The following IPMK variants were observed in gnomAD, a reference collection of about 807,000 sequenced individuals.
IPMK encodes inositol 1,3,4,6-tetrakisphosphate 5-kinase.
A neutral mutation model predicts 45.8 loss-of-function variants in IPMK; 17 were observed. The ratio of observed to expected loss-of-function variants is 0.37; its 90% CI spans 0.25 to 0.56. The LOEUF (loss-of-function observed/expected upper bound fraction) is 0.56. Among genes scored for constraint, IPMK ranks in the 20% least tolerant of loss-of-function variants. The probability of loss-of-function intolerance (pLI) is 0.79; values close to 1 mark genes in which losing one functional copy is unlikely to be tolerated. For missense variants in IPMK, 399 were observed against 498.0 expected (o/e 0.80, Z 1.89); for synonymous variants, 180 against 184.3 (o/e 0.98, Z 0.19).
At chr10:58,265,934 G>T (rs993524363) in intron 1 of IPMK, among the ~76,000 whole-genome samples, 1 of 152,078 alleles carries the variant, frequency 6.6e-6, no homozygotes, top group African/African-American at 2.4e-5. Flanking sequence ...GACCTTTAGG[G>T]AAACATTTAC....
At chr10:58,205,365 T>G (rs975393875) in intron 4 of IPMK, among the ~76,000 whole-genome samples, 12 of 152,172 alleles carry the variant, frequency 7.9e-5, no homozygotes, top group Admixed American at 2.0e-4. Flanking sequence ...AATAGACATT[T>G]TTCCAAAGAA....
intron 4 of IPMK, among the ~76,000 whole-genome samples, chr10:58,201,135 A>G (rs1837990910): frequency 6.6e-6 from 1 of 152,240 alleles, no homozygotes; most frequent in Admixed American, 6.5e-5. Context: ...CATGTTTAAA[A>G]TATCTCTGGA....
chr10:58,229,176 G>C (rs1349882745), intron 2 of IPMK, among the ~76,000 whole-genome samples: 2 of 152,066 alleles, frequency 1.3e-5, no homozygotes, highest in African/African-American at 4.8e-5. Flanking sequence ...ACAATATTAG[G>C]AAAGAAAAGG....
chr10:58,236,099 C>CTTT, intron 2 of IPMK, among the ~76,000 whole-genome samples: 1 of 146,542 alleles, frequency 6.8e-6, no homozygotes, highest in African/African-American at 2.5e-5. Flanking sequence ...TGGGTTAATT[C>CTTT]TTTTTTTTTT....
intron 1 of IPMK, among the ~76,000 whole-genome samples, chr10:58,255,100 A>G (rs1838944643): frequency 6.6e-6 from 1 of 152,250 alleles, no homozygotes; most frequent in African/African-American, 2.4e-5. Flanking sequence ...GACTCAGGCT[A>G]TCCCACAGAC....
chr10:58,253,643 C>A (rs2790214), intron 1 of IPMK, among the ~76,000 whole-genome samples: 1 of 148,830 alleles, frequency 6.7e-6, no homozygotes, highest in Non-Finnish European at 1.5e-5. Context: ...GAGGCTGAGG[C>A]GGGAGAATGC....
At chr10:58,251,125 G>C (rs1478241012) in intron 1 of IPMK, among the ~76,000 whole-genome samples, 3 of 152,162 alleles carry the variant, frequency 2.0e-5, no homozygotes, top group African/African-American at 7.2e-5. Flanking sequence ...TCTGACATCA[G>C]TGTTTATTGC....
intron 1 of IPMK, among the ~76,000 whole-genome samples, chr10:58,247,712 GAGTT>G (rs1838823138): frequency 6.6e-6 from 1 of 152,132 alleles, no homozygotes; most frequent in Non-Finnish European, 1.5e-5. Flanking sequence ...GCTAGATGGC[GAGTT>G]AGTGAGTGCA....
rs190353662 is a variant in IPMK at position 58,206,286 on chromosome 10, C to G, written c.547-6965G>C. The stretch of plus-strand genomic sequence containing the variant: ...AGATAGAAAATAGATTAGTGGTTCC[C>G]TAGGGACAGGGAGTTTGGAAGGAAA... On this transcript the variant is annotated intron_variant, in intron 4 of 5. Coordinates refer to ENST00000373935, the MANE Select transcript of IPMK (RefSeq NM_152230.5). 2.8e-4 allele frequency among the ~76,000 whole-genome samples: 43 copies of G among 152,194 alleles called. No homozygotes were observed. In the East Asian group the frequency reaches 5.8e-3, roughly 21 times the overall value.
rs118038341 is a variant in IPMK at position 58,207,667 on chromosome 10, T to C, written c.547-8346A>G. Among the ~76,000 whole-genome samples the C allele has an allele frequency of 4.1e-4, 62 of 152,290 alleles. No homozygotes were observed. The East Asian group carries it at 0.01, about 25-fold the overall frequency. On this transcript the variant is annotated intron_variant, in intron 4 of 5. Coordinates refer to ENST00000373935, the MANE Select transcript of IPMK (RefSeq NM_152230.5). ...TGCCCCACTATTATTGTGTGTTATC[T>C]CATTTCTTAGGTCTAGTAGTAATTA...
At chr10:58,224,293 C>T (rs1470876672) in intron 3 of IPMK, among the ~76,000 whole-genome samples, 1 of 152,182 alleles carries the variant, frequency 6.6e-6, no homozygotes, top group East Asian at 1.9e-4. Flanking sequence ...CGATGTTATA[C>T]TTTTCTATCC....
rs1838679181 is a variant in IPMK at position 58,240,397 on chromosome 10, T to A, written c.191-2583A>T. Among the ~76,000 whole-genome samples, 2 of 151,624 alleles carry A rather than the reference T, an allele frequency of 1.3e-5. 1 individual carries two copies. The highest frequency in any genetic ancestry group is 1.3e-4 in the Admixed American group (2 of 15,226). ...AAAGAAAAAAAAAATGTATAGAGCA[T>A]TAGAAACCCATAAGGTAATACCAAG... On this transcript the variant is annotated intron_variant, in intron 1 of 5. Transcript: ENST00000373935.
chr10:58,264,750 T>C (rs1258746874), intron 1 of IPMK, among the ~76,000 whole-genome samples: 1 of 152,212 alleles, frequency 6.6e-6, no homozygotes, highest in Non-Finnish European at 1.5e-5. Flanking sequence ...TACATCCACA[T>C]TGTAGAACAC....
rs1303228503 is a variant in IPMK at position 58,199,223 on chromosome 10, A to G, written c.628+17T>C. ...TTAACTGTTCAATCATAAAAGCATT[A>G]GTTTTTTAGTCCTTACCATCCTTTA... On this transcript the variant is annotated intron_variant, in intron 5 of 5. Transcript: ENST00000373935. 4.0e-6 allele frequency: 6 copies of G among 1,497,838 alleles called. No individual in the cohort carries two copies. Among genetic ancestry groups the G allele is most frequent in the Non-Finnish European group, 4.6e-6 (5 of 1,085,162 alleles). 92.8% of individuals were successfully genotyped at this position (1,497,838 alleles called of 1,614,324 possible). A position where few individuals can be genotyped will look rare whatever the true frequency, so the allele number is the denominator to read the frequency against.
chr10:58,259,669 C>CAAAAAAAAAAAAA (rs1441296170), intron 1 of IPMK, among the ~76,000 whole-genome samples: 2 of 53,082 alleles, frequency 3.8e-5, no homozygotes, highest in Non-Finnish European at 6.0e-5. Context: ...CCCATCTCTA[C>CAAAAAAAAAAAAA]ATAAAAAAAA....
chr10:58,237,510 T>C (rs1838631409), intron 2 of IPMK, among the ~76,000 whole-genome samples: 1 of 152,200 alleles, frequency 6.6e-6, no homozygotes, highest in South Asian at 2.1e-4. Flanking sequence ...AAGAAGTATC[T>C]ACCATAAACA....
At chr10:58,262,976 G>A (rs1839097552) in intron 1 of IPMK, among the ~76,000 whole-genome samples, 1 of 152,186 alleles carries the variant, frequency 6.6e-6, no homozygotes, top group South Asian at 2.1e-4. Context: ...CACAGCTTCA[G>A]GCAAGAATCA....
At chr10:58,243,989 G>T (rs539534127) in intron 1 of IPMK, among the ~76,000 whole-genome samples, 5 of 148,792 alleles carry the variant, frequency 3.4e-5, no homozygotes, top group African/African-American at 1.2e-4. Context: ...GCGCCGCCCC[G>T]TCTGGGAGGG....
chr10:58,197,334 A>ATACATACATACATACATACATAC lies in IPMK; in HGVS notation c.629-637_629-636insGTATGTATGTATGTATGTATGTA, dbSNP rs1564526560. ...AAATAAATAAATAAATAAATACATA[A>ATACATACATACATACATACATAC]ATACATAAACACATAAATAAAAAAT... On this transcript the variant is annotated intron_variant, in intron 5 of 5. Coordinates refer to ENST00000373935, the MANE Select transcript of IPMK (RefSeq NM_152230.5). 2.7e-5 allele frequency among the ~76,000 whole-genome samples: 4 copies of ATACATACATACATACATACATAC among 147,648 alleles called. 1 individual carries two copies. Among genetic ancestry groups the ATACATACATACATACATACATAC allele is most frequent in the African/African-American group, 1.0e-4 (4 of 39,098 alleles).
Sources: allele counts gnomAD v4.1 joint callset (sites outside exome capture counted in the v4.1 genomes callset), GRCh38; gene constraint gnomAD v4.1.1; transcripts MANE v1.5; gene names NCBI Gene and HGNC (gene_info 2026-07-23, HGNC 2026-07-21).